BRAT1: variants seen among roughly 807,000 people sequenced by gnomAD.
BRAT1 encodes integrator complex assembly factor BRAT1.
Under a neutral mutation model 70.6 loss-of-function variants are expected in BRAT1, and 74 were observed. The observed-to-expected ratio is 1.05, with a 90% CI of 0.87 to 1.27. BRAT1 has a LOEUF of 1.27. BRAT1 is among the 50% of genes most tolerant of loss of function. BRAT1 has a pLI of 0.00. For synonymous variants in BRAT1, 615 were observed against 517.1 expected (o/e 1.19, Z -2.57); for missense variants, 1,203 against 1,098.2 (o/e 1.10, Z -1.35).
chr7:2,546,288 A>C (rs894997498), intron 3 of BRAT1, among the ~76,000 whole-genome samples: 1 of 152,020 alleles, frequency 6.6e-6, no homozygotes, highest in African/African-American at 2.4e-5. Context: ...CAAAGATAAC[A>C]AAGTTAGCCA....
At chr7:2,548,752 G>A (rs1289516199) in intron 2 of BRAT1, among the ~76,000 whole-genome samples, 1 of 151,910 alleles carries the variant, frequency 6.6e-6, no homozygotes, top group African/African-American at 2.4e-5. Context: ...CACGAGGTCA[G>A]GAGATTGAGA....
chr7:2,554,414 G>A lies in BRAT1; in HGVS notation c.18C>T (p.Ala6=), dbSNP rs759346725. ...CAGCACAGAGAGCCGGGAGCAGCTG[G>A]GCGCATTCTGGGTCCATGGTGAGGC... is the stretch of plus-strand genomic sequence containing the variant. MDPEC[A]QLLPALCAVL... Residue 6 remains alanine, a synonymous_variant, in exon 2 of 14, where the codon GCC becomes GCT. Transcript: ENST00000340611. 1.9e-6 allele frequency: 3 copies of A among 1,613,688 alleles called. No homozygotes were observed. Among genetic ancestry groups the A allele is most frequent in the South Asian group, 2.2e-5 (2 of 91,070 alleles).
At position 2,538,452 on chromosome 7, in the gene BRAT1, G is replaced by A. The variant is rs766879861; in HGVS notation, c.2083C>T (p.Leu695Phe). 2.5e-6 allele frequency: 4 copies of A among 1,612,980 alleles called. No individual in the cohort carries two copies. The highest frequency in any genetic ancestry group is 1.7e-5 in the Admixed American group (1 of 60,008). Reference protein sequence around the residue: ...AQPLTEALRALCHVGLFDFAF... With the variant: ...AQPLTEALRAFCHVGLFDFAF... ...AAGTCAAAGAGCCCCACGTGGCAGA[G>A]AGCCCTCAGTGCCTCGGTGAGTGGC... The change falls in exon 14 of 14, where the codon CTC becomes TTC. Residue 695 changes from leucine to phenylalanine, a missense_variant. Transcript: ENST00000340611.
chr7:2,547,539 G>T lies in BRAT1; in HGVS notation c.128-61C>A. 2.6e-6 allele frequency: 4 copies of T among 1,563,954 alleles called. No homozygotes were observed. In the South Asian group the frequency reaches 3.4e-5, roughly 13 times the overall value. On this transcript the variant is annotated intron_variant, in intron 2 of 13. Coordinates refer to ENST00000340611, the MANE Select transcript of BRAT1 (RefSeq NM_152743.4). ...TACGGCACCAGGTGTCCCCCTGGATGACCGCTCTTCTCCTAGCAATTCCCA... is the reference window on the plus strand; with the variant it reads ...TACGGCACCAGGTGTCCCCCTGGATTACCGCTCTTCTCCTAGCAATTCCCA...
chr7:2,546,149 T>C (rs184466418), intron 3 of BRAT1, among the ~76,000 whole-genome samples: 387 of 152,324 alleles, frequency 2.5e-3, no homozygotes, highest in Non-Finnish European at 3.5e-3. Context: ...CCTTGCTATG[T>C]AGAAATTCTT....
intron 10 of BRAT1, 171 bp from the exon 11 acceptor site, chr7:2,540,059 A>T: frequency 1.8e-6 from 1 of 560,710 alleles, no homozygotes. Flanking sequence ...CAGGGTCTCA[A>T]TGTGTCATCC....
In BRAT1 at chr7:2,539,162, A is replaced by T. The variant is rs758872519; in HGVS notation, c.1770+17T>A. 6.3e-7 allele frequency: 1 copy of T among 1,581,520 alleles called. No homozygotes were observed. The highest frequency in any genetic ancestry group is 8.6e-7 in the Non-Finnish European group (1 of 1,160,202). The stretch of plus-strand genomic sequence containing the variant: ...GCCAGGCGGGAGTTGCTGGCTGAGG[A>T]ACCTGCCACCTCCTACCTGCCGGGC... On this transcript the variant is annotated intron_variant, in intron 13 of 13. Transcript: ENST00000340611.
chr7:2,545,038 C>T lies in BRAT1; in HGVS notation c.301G>A (p.Gly101Arg), dbSNP rs780716714. The change falls in exon 4 of 14, where the codon GGG becomes AGG. Residue 101 changes from glycine to arginine, a missense_variant. Transcript: ENST00000340611. ...AGGGGTCCTGGCTCCCCAAAGAGCC[C>T]TGGTAGTAACTCCCCCTGCTGGGAA... ...QYLQQGELLP[G>R]LFGEPGPLGR... The T allele has an allele frequency of 5.3e-5, 80 of 1,508,264 alleles. No homozygotes were observed. Among genetic ancestry groups the T allele is most frequent in the Non-Finnish European group, 6.8e-5 (77 of 1,127,070 alleles). The allele number at this position is 1,508,264 out of a possible 1,614,324, so 93.4% of individuals were successfully genotyped here.
intron 3 of BRAT1, among the ~76,000 whole-genome samples, chr7:2,546,220 C>T (rs193114513): frequency 4.6e-5 from 7 of 152,208 alleles, no homozygotes; most frequent in African/African-American, 1.2e-4. Flanking sequence ...GCAGGATGAT[C>T]GCTTGAGACC....
At chr7:2,553,165 G>C (rs1017619234) in intron 2 of BRAT1, among the ~76,000 whole-genome samples, 3 of 152,100 alleles carry the variant, frequency 2.0e-5, no homozygotes, top group African/African-American at 7.2e-5. Flanking sequence ...CCAAGTAGCT[G>C]GGATTACGGC....
intron 2 of BRAT1, among the ~76,000 whole-genome samples, chr7:2,549,687 G>A (rs1039355056): frequency 2.0e-5 from 3 of 152,138 alleles, no homozygotes; most frequent in African/African-American, 7.2e-5. Flanking sequence ...AAGAGTTGCT[G>A]AGATTAAATT....
At chr7:2,551,782 G>C (rs1220323223) in intron 2 of BRAT1, among the ~76,000 whole-genome samples, 2 of 150,944 alleles carry the variant, frequency 1.3e-5, no homozygotes, top group Non-Finnish European at 2.9e-5. Flanking sequence ...GAAATCTCTA[G>C]AACATTGAGA....
rs201500695 is a variant in BRAT1, at chr7:2,544,197, G to GTTTTTTT, written c.431-236_431-235insAAAAAAA. On this transcript the variant is annotated intron_variant, in intron 4 of 13. Coordinates refer to ENST00000340611, the MANE Select transcript of BRAT1 (RefSeq NM_152743.4). ...GATGCTTCCCAATTCGTTCCTTCTTGTTGTTTTTTTTTTTTTTTTTTTTGA... is the reference window on the plus strand; with the variant it reads ...GATGCTTCCCAATTCGTTCCTTCTTGTTTTTTTTTGTTTTTTTTTTTTTTTTTTTTGA... The GTTTTTTT allele has an allele frequency of 2.0e-3, 246 of 121,270 alleles. 3 individuals are homozygous for GTTTTTTT. Among genetic ancestry groups the GTTTTTTT allele is most frequent in the Admixed American group, 4.7e-3 (39 of 8,234 alleles). The allele number at this position is 121,270 out of a possible 1,614,324, so 7.5% of individuals were successfully genotyped here. A position where few individuals can be genotyped will look rare whatever the true frequency, so the allele number is the denominator to read the frequency against.
At chr7:2,547,864 C>G (rs898030665) in intron 2 of BRAT1, among the ~76,000 whole-genome samples, 24 of 151,936 alleles carry the variant, frequency 1.6e-4, no homozygotes, top group African/African-American at 3.9e-4. Flanking sequence ...CGGGTGGTCA[C>G]TTGAGCTCAG....
intron 4 of BRAT1, 160 bp from the exon 5 acceptor site, chr7:2,544,122 C>T: frequency 3.7e-6 from 2 of 535,930 alleles, no homozygotes; most frequent in Non-Finnish European, 6.2e-6. Flanking sequence ...ACTGAAGCTC[C>T]CTGGAGACAA....
At position 2,543,260 on chromosome 7, in the gene BRAT1, G is replaced by T; in HGVS notation, c.867C>A (p.Cys289Ter). 1.9e-6 allele frequency: 3 copies of T among 1,611,598 alleles called. No homozygotes were observed. Among genetic ancestry groups the T allele is most frequent in the Non-Finnish European group, 2.5e-6 (3 of 1,179,022 alleles). Reference sequence around the variant, plus strand: ...GGGGTCCCATGTGGGTGGGACCCAGGCAGCTCAGAGCCCGCGCCACTGTCT... The same window carrying T: ...GGGGTCCCATGTGGGTGGGACCCAGTCAGCTCAGAGCCCGCGCCACTGTCT... Reference protein sequence around the residue: ...LWETVARALSCLGPTHMGPLA... With the variant: ...LWETVARALS Residue 289 changes from cysteine (C) to a stop codon, truncating the protein, a stop_gained, in exon 6 of 14, where the codon TGC becomes TGA. Transcript: ENST00000340611. LOFTEE classifies it high-confidence loss of function. The surrounding 1 kb of genome is among the most constrained non-coding windows in gnomAD (Gnocchi z 5.5).
chr7:2,543,742 G>A lies in BRAT1; in HGVS notation c.651C>T (p.Ala217=). Residue 217 remains alanine (A), a synonymous_variant, in exon 5 of 14, where the codon GCC becomes GCT. Coordinates refer to ENST00000340611, the MANE Select transcript of BRAT1 (RefSeq NM_152743.4). This position sits in a 1 kb window ranked among gnomAD's most constrained non-coding sequence, Gnocchi z 5.5. ...CSAATPKVTQ[A]LNVLTTTFGR... Reference sequence around the variant, plus strand: ...CGAAGGTCGTGGTCAGGACGTTCAGGGCCTGAGTGACCTTGGGGGTGGCCG... The same window carrying A: ...CGAAGGTCGTGGTCAGGACGTTCAGAGCCTGAGTGACCTTGGGGGTGGCCG... 6.2e-7 allele frequency: 1 copy of A among 1,602,474 alleles called. No homozygotes were observed. Among genetic ancestry groups the A allele is most frequent in the South Asian group, 1.1e-5 (1 of 90,474 alleles).
At chr7:2,546,344 T>A (rs966549843) in intron 3 of BRAT1, among the ~76,000 whole-genome samples, 1 of 151,844 alleles carries the variant, frequency 6.6e-6, no homozygotes, top group Non-Finnish European at 1.5e-5. Context: ...GGAAGCTGAA[T>A]GGGGAGGGTC....
chr7:2,540,057 C>G lies in BRAT1; in HGVS notation c.1396-169G>C, dbSNP rs77056351. On this transcript the variant is annotated intron_variant, in intron 10 of 13. Coordinates refer to ENST00000340611, the MANE Select transcript of BRAT1 (RefSeq NM_152743.4). ...TCCTTCTTTTTTAGAGACAGGGTCTCAATGTGTCATCCAGGCTGGACTGCA... is the reference window on the plus strand; with the variant it reads ...TCCTTCTTTTTTAGAGACAGGGTCTGAATGTGTCATCCAGGCTGGACTGCA... 79,499 of 563,552 alleles carry G rather than the reference C, an allele frequency of 0.14. 6,685 individuals are homozygous for G. Among genetic ancestry groups the G allele is most frequent in the African/African-American group, 0.31 (15,862 of 51,410 alleles). The allele number at this position is 563,552 out of a possible 1,614,324, so 34.9% of individuals were successfully genotyped here. A position where few individuals can be genotyped will look rare whatever the true frequency, so the allele number is the denominator to read the frequency against.
Sources: gnomAD v4.1 joint callset for allele counts (sites outside exome capture counted in the v4.1 genomes callset) on GRCh38, gnomAD v4.1.1 for gene constraint, Gnocchi (gnomAD v3.1) non-coding constraint, MANE v1.5 for transcripts, NCBI Gene and HGNC (gene_info 2026-07-23, HGNC 2026-07-21) for gene names.